ZBTB44: variants seen among roughly 807,000 people sequenced by gnomAD.
The protein encoded by ZBTB44 is zinc finger and BTB domain containing 44.
Under a neutral mutation model 54.0 loss-of-function variants are expected in ZBTB44, and 15 were observed. The ratio of observed to expected loss-of-function variants is 0.28; its 90% CI spans 0.19 to 0.43. ZBTB44 has a LOEUF of 0.43. Ranked by LOEUF, ZBTB44 falls within the 20% of genes least tolerant of loss-of-function variation. The pLI, the probability that ZBTB44 is intolerant of heterozygous loss-of-function variation, is 1.00. For missense variants in ZBTB44, 487 were observed against 707.1 expected (o/e 0.69, Z 3.53); for synonymous variants, 230 against 250.1 (o/e 0.92, Z 0.76).
rs559101476 is a variant in ZBTB44, at chr11:130,288,384, T to A, written c.-57+25991A>T. On this transcript the variant is annotated intron_variant, in intron 1 of 7. Transcript: ENST00000357899. ...GCCAGACTCTGTCTCGGGAAAAAAA[T>A]AAATAAATAAATAAAATAAAATAAA... Among the ~76,000 whole-genome samples, 743 of 149,502 alleles carry A rather than the reference T, an allele frequency of 5.0e-3. 5 individuals are homozygous for A. Among genetic ancestry groups the A allele is most frequent in the African/African-American group, 0.018 (719 of 40,094 alleles).
intron 1 of ZBTB44, among the ~76,000 whole-genome samples, chr11:130,280,723 A>G (rs1444259449): frequency 1.3e-5 from 2 of 152,244 alleles, no homozygotes; most frequent in African/African-American, 4.8e-5. Flanking sequence ...AAACTTCTTT[A>G]CGTTGACTTG....
At chr11:130,238,663 C>T in intron 3 of ZBTB44, 56 bp from the exon 4 acceptor site, 2 of 1,532,846 alleles carry the variant, frequency 1.3e-6, no homozygotes, top group Non-Finnish European at 1.8e-6. Context: ...ACTGAATAAA[C>T]ACTGCTATAG....
intron 2 of ZBTB44, among the ~76,000 whole-genome samples, chr11:130,257,486 T>A (rs534047264): frequency 6.6e-6 from 1 of 152,176 alleles, no homozygotes; most frequent in African/African-American, 2.4e-5. Context: ...CAATATCATA[T>A]ACTGGAGCTA....
chr11:130,297,815 T>A (rs566004215), intron 1 of ZBTB44, among the ~76,000 whole-genome samples: 226 of 152,346 alleles, frequency 1.5e-3, no homozygotes, highest in African/African-American at 5.1e-3. Flanking sequence ...TCATAGTTTG[T>A]TACGGCACCC....
chr11:130,278,545 C>CT (rs1940272065), intron 1 of ZBTB44, among the ~76,000 whole-genome samples: 1 of 152,140 alleles, frequency 6.6e-6, no homozygotes, highest in South Asian at 2.1e-4. Context: ...TCCTCCTCTC[C>CT]TTCCAGAACT....
At chr11:130,258,635 T>C (rs1029395477) in intron 2 of ZBTB44, among the ~76,000 whole-genome samples, 2 of 152,330 alleles carry the variant, frequency 1.3e-5, no homozygotes, top group Admixed American at 6.5e-5. Flanking sequence ...CCAACTAATA[T>C]ACATTATCTT....
intron 1 of ZBTB44, among the ~76,000 whole-genome samples, chr11:130,268,070 A>C (rs1329583989): frequency 1.5e-5 from 2 of 136,918 alleles, no homozygotes; most frequent in South Asian, 2.3e-4. Flanking sequence ...CTCTGTCTAC[A>C]AAAAAAAAAA....
intron 1 of ZBTB44, among the ~76,000 whole-genome samples, chr11:130,301,456 C>G (rs1941982466): frequency 6.6e-6 from 1 of 152,104 alleles, no homozygotes; most frequent in Non-Finnish European, 1.5e-5. Flanking sequence ...GAGTTCAAGA[C>G]CAGCCTGGGC....
chr11:130,292,979 T>A (rs1230153281), intron 1 of ZBTB44, among the ~76,000 whole-genome samples: 1 of 152,190 alleles, frequency 6.6e-6, no homozygotes, highest in East Asian at 1.9e-4. Flanking sequence ...AAAGGCATTT[T>A]CCCATGATAT....
rs1938869412 is a variant in ZBTB44, at chr11:130,261,637, C to G, written c.237G>C (p.Val79=). 6.2e-7 allele frequency: 1 copy of G among 1,613,892 alleles called. No homozygotes were observed. Among genetic ancestry groups the G allele is most frequent in the Admixed American group, 1.7e-5 (1 of 60,004 alleles). The change falls in exon 2 of 8, where the codon GTG becomes GTC. Residue 79 remains valine (V), a synonymous_variant. Coordinates refer to ENST00000357899, the MANE Select transcript of ZBTB44 (RefSeq NM_001301098.2). This position sits in a 1 kb window ranked among gnomAD's most constrained non-coding sequence, Gnocchi z 4.8. The part of the protein sequence containing the change: ...KNVLDLHHVT[V]TGFIPLLEYA... ...ATTCTAAAAGAGGTATAAAGCCAGTCACTGTAACATGATGCAGATCCAACA... is the reference window on the plus strand; with the variant it reads ...ATTCTAAAAGAGGTATAAAGCCAGTGACTGTAACATGATGCAGATCCAACA...
At chr11:130,238,367 T>C in intron 4 of ZBTB44, 77 bp downstream of exon 4, 1 of 1,412,462 alleles carries the variant, frequency 7.1e-7, no homozygotes. Flanking sequence ...AAGCCCCTGT[T>C]TTCTATTTTA....
At chr11:130,313,966 A>ATATATATATATATTTT (rs1160244728) in intron 1 of ZBTB44, among the ~76,000 whole-genome samples, 1 of 116,134 alleles carries the variant, frequency 8.6e-6, no homozygotes, top group African/African-American at 2.8e-5. Context: ...ATATATATAT[A>ATATATATATATATTTT]TTTTTTTAAA....
intron 2 of ZBTB44, among the ~76,000 whole-genome samples, chr11:130,254,628 G>A (rs1439392475): frequency 2.0e-5 from 3 of 152,168 alleles, no homozygotes; most frequent in Non-Finnish European, 4.4e-5. Flanking sequence ...CTGTTGGTGG[G>A]ACTGTAAACT....
intron 1 of ZBTB44, among the ~76,000 whole-genome samples, chr11:130,303,495 C>T (rs192589271): frequency 5.9e-5 from 9 of 151,850 alleles, no homozygotes; most frequent in South Asian, 2.1e-4. Flanking sequence ...CTTAGCTGGG[C>T]GTGGTGGCGC....
At chr11:130,259,499 C>T (rs897827375) in intron 2 of ZBTB44, among the ~76,000 whole-genome samples, 9 of 152,286 alleles carry the variant, frequency 5.9e-5, no homozygotes, top group Middle Eastern at 3.4e-3. Flanking sequence ...AAGACACATG[C>T]GCACATATGT....
At chr11:130,297,760 C>A (rs907550371) in intron 1 of ZBTB44, among the ~76,000 whole-genome samples, 1 of 152,174 alleles carries the variant, frequency 6.6e-6, no homozygotes, top group African/African-American at 2.4e-5. Context: ...CTTCAAGGCT[C>A]CACAACTATG....
rs11360161 is a variant in ZBTB44, at chr11:130,244,667, G to GAA, written c.1019-4773_1019-4772dup. Among the ~76,000 whole-genome samples the GAA allele has an allele frequency of 3.8e-5, 4 of 104,802 alleles. No homozygotes were observed. The East Asian group carries it at 7.8e-4, about 21-fold the overall frequency. 68.8% of individuals were successfully genotyped at this position (104,802 alleles called of 152,430 possible). On this transcript the variant is annotated intron_variant, in intron 2 of 7. Coordinates refer to ENST00000357899, the MANE Select transcript of ZBTB44 (RefSeq NM_001301098.2). ...GGGCGACAGAGAGAGACTCTGTCTG[G>GAA]AAAAAAAAAAAAAAAAAAAGAAAGA...
At chr11:130,238,777 G>C (rs543095399) in intron 3 of ZBTB44, 170 bp from the exon 4 acceptor site, 37 of 709,588 alleles carry the variant, frequency 5.2e-5, no homozygotes, top group African/African-American at 5.2e-4. Context: ...CAATGTTAAT[G>C]TCCAGAATGC....
chr11:130,232,486 G>GAAAT (rs1161758333), intron 7 of ZBTB44: 2 of 152,126 alleles, frequency 1.3e-5, no homozygotes, highest in Non-Finnish European at 2.9e-5. Flanking sequence ...TTTAGCAGCA[G>GAAAT]AAATAATATT....
Sources: gnomAD v4.1 joint callset for allele counts (sites outside exome capture counted in the v4.1 genomes callset) on GRCh38, gnomAD v4.1.1 for gene constraint, Gnocchi (gnomAD v3.1) non-coding constraint, MANE v1.5 for transcripts, NCBI Gene and HGNC (gene_info 2026-07-23, HGNC 2026-07-21) for gene names.